The following TCF4 variants were observed in gnomAD, a reference collection of about 807,000 sequenced individuals.
TCF4 encodes the protein transcription factor 4.
In TCF4, 3 loss-of-function variants were observed where a neutral mutation model predicts 82.1. The ratio of observed to expected loss-of-function variants is 0.04; its 90% CI spans 0.02 to 0.09. The LOEUF (loss-of-function observed/expected upper bound fraction) is 0.09, where lower values mean the gene tolerates loss of function less well. Ranked by LOEUF, TCF4 falls within the 10% of genes least tolerant of loss-of-function variation. The probability of loss-of-function intolerance (pLI) is 1.00; values close to 1 mark genes in which losing one functional copy is unlikely to be tolerated. For synonymous variants in TCF4, 276 were observed against 309.6 expected, an observed-to-expected ratio of 0.89 and a Z score of 1.14; for missense variants, 518 against 852.7, an observed-to-expected ratio of 0.61 and a Z score of 4.89.
chr18:55,553,439 G>A (rs1220265628), intron 3 of TCF4: 1 of 152,148 alleles, frequency 6.6e-6, no homozygotes, highest in Non-Finnish European at 1.5e-5. Flanking sequence ...CAGAAGTGGT[G>A]CCCTAGAATA....
At chr18:55,434,643 G>A (rs1569471676) in intron 5 of TCF4, among the ~76,000 whole-genome samples, 1 of 150,752 alleles carries the variant, frequency 6.6e-6, no homozygotes. Context: ...TAGCCAGGAT[G>A]GTCTCAGTCT....
chr18:55,242,775 A>G (rs979207970), intron 15 of TCF4, among the ~76,000 whole-genome samples: 1 of 151,968 alleles, frequency 6.6e-6, no homozygotes, highest in African/African-American at 2.4e-5. Flanking sequence ...ACGCCCAGCT[A>G]ATTTTTGTAT....
intron 6 of TCF4, among the ~76,000 whole-genome samples, chr18:55,388,590 T>C (rs1485881193): frequency 1.3e-5 from 2 of 152,152 alleles, no homozygotes; most frequent in Non-Finnish European, 2.9e-5. Context: ...GGTAAGTGCC[T>C]CCATGAATGA....
chr18:55,599,838 C>T (rs1272165902), intron 2 of TCF4, among the ~76,000 whole-genome samples: 2 of 152,160 alleles, frequency 1.3e-5, no homozygotes, highest in Non-Finnish European at 2.9e-5. Context: ...AGATATGAAA[C>T]ATTTCCAACA....
chr18:55,444,387 G>C (rs2095490888), intron 5 of TCF4, among the ~76,000 whole-genome samples: 1 of 152,178 alleles, frequency 6.6e-6, no homozygotes. Flanking sequence ...ACCACTTGGA[G>C]GGAAAAAGAG....
At chr18:55,467,136 GA>G (rs1409850523) in intron 3 of TCF4, among the ~76,000 whole-genome samples, 3 of 151,912 alleles carry the variant, frequency 2.0e-5, no homozygotes, top group Non-Finnish European at 2.9e-5. Flanking sequence ...TTTTACCTTT[GA>G]AAAAAATCTA....
intron 8 of TCF4, among the ~76,000 whole-genome samples, chr18:55,300,659 T>C (rs1182880305): frequency 6.6e-6 from 1 of 152,080 alleles, no homozygotes; most frequent in African/African-American, 2.4e-5. Context: ...TGCCATCAAA[T>C]GGTAATTGAT....
chr18:55,384,081 A>T (rs1281428578), intron 6 of TCF4: 1 of 152,144 alleles, frequency 6.6e-6, no homozygotes, highest in Non-Finnish European at 1.5e-5. Context: ...TGGTCATTAC[A>T]CCTCAGCCCA....
intron 6 of TCF4, among the ~76,000 whole-genome samples, chr18:55,354,304 TGTGA>T (rs2082967171): frequency 6.6e-6 from 1 of 152,232 alleles, no homozygotes; most frequent in Non-Finnish European, 1.5e-5. Flanking sequence ...TACAGCACTC[TGTGA>T]GTGTCTTTTT....
intron 8 of TCF4, among the ~76,000 whole-genome samples, chr18:55,340,791 T>C (rs1341149602): frequency 1.3e-5 from 2 of 152,156 alleles, no homozygotes; most frequent in African/African-American, 4.8e-5. Flanking sequence ...AGCATGACAG[T>C]GCTTTTTATT....
At chr18:55,303,226 T>TACACAC (rs74180496) in intron 8 of TCF4, among the ~76,000 whole-genome samples, 3,152 of 136,012 alleles carry the variant, frequency 0.023, 39 homozygotes, top group African/African-American at 0.031. Flanking sequence ...TCCCAGTACG[T>TACACAC]ACACACACAC....
intron 4 of TCF4, among the ~76,000 whole-genome samples, chr18:55,461,943 T>G (rs2095874157): frequency 6.6e-6 from 1 of 152,158 alleles, no homozygotes. Flanking sequence ...TGGTTCAACT[T>G]TCAGTCTACT....
At chr18:55,379,784 C>G (rs2091555391) in intron 6 of TCF4, among the ~76,000 whole-genome samples, 1 of 152,036 alleles carries the variant, frequency 6.6e-6, no homozygotes, top group Non-Finnish European at 1.5e-5. Context: ...GACTGGGTAG[C>G]CTAAACAACA....
chr18:55,599,392 T>C (rs2097694331), intron 2 of TCF4, among the ~76,000 whole-genome samples: 1 of 152,198 alleles, frequency 6.6e-6, no homozygotes, highest in Admixed American at 6.5e-5. Flanking sequence ...TGAACTCATT[T>C]ACTTATTATA....
intron 14 of TCF4, among the ~76,000 whole-genome samples, chr18:55,254,911 G>A (rs1384196911): frequency 1.3e-5 from 2 of 152,106 alleles, no homozygotes; most frequent in Non-Finnish European, 2.9e-5. Flanking sequence ...TATTTTTCAT[G>A]AACAAACTAA....
intron 6 of TCF4, among the ~76,000 whole-genome samples, chr18:55,385,924 C>T (rs533538967): frequency 2.0e-5 from 3 of 152,328 alleles, no homozygotes; most frequent in Non-Finnish European, 2.9e-5. Flanking sequence ...AATGTCCACA[C>T]GGCCACTGCC....
At chr18:55,300,594 G>C (rs1053515279) in intron 8 of TCF4, among the ~76,000 whole-genome samples, 1 of 152,134 alleles carries the variant, frequency 6.6e-6, no homozygotes, top group African/African-American at 2.4e-5. Context: ...CCATATGTCG[G>C]TTCTTCCAGA....
At chr18:55,281,705 C>G (rs1464804981) in intron 8 of TCF4, among the ~76,000 whole-genome samples, 1 of 150,538 alleles carries the variant, frequency 6.6e-6, no homozygotes, top group Non-Finnish European at 1.5e-5. Context: ...TAAGGTTTAT[C>G]CTTTTTCTTT....
chr18:55,361,516 C>T (rs2085193856), intron 6 of TCF4, among the ~76,000 whole-genome samples: 1 of 152,170 alleles, frequency 6.6e-6, no homozygotes, highest in East Asian at 1.9e-4. Flanking sequence ...AAGGCTAACC[C>T]CTCTTCCTGG....
Sources: gnomAD v4.1 joint callset for allele counts (sites outside exome capture counted in the v4.1 genomes callset) on GRCh38, gnomAD v4.1.1 for gene constraint, MANE v1.5 for transcripts, NCBI Gene and HGNC (gene_info 2026-07-23, HGNC 2026-07-21) for gene names.